Variants in MAPK10 observed in about 807,000 individuals in gnomAD.
MAPK10 encodes JNK3 alpha protein kinase.
MAPK10 carries 25 observed loss-of-function variants against 59.3 expected under a neutral mutation model. The ratio of observed to expected loss-of-function variants is 0.42; its 90% CI spans 0.31 to 0.59. The LOEUF is 0.59. Among genes scored for constraint, MAPK10 ranks in the 20% least tolerant of loss-of-function variants. MAPK10 has a pLI of 0.15. For missense variants in MAPK10, 351 were observed against 568.9 expected, an observed-to-expected ratio of 0.62 and a Z score of 3.90; for synonymous variants, 190 against 200.5, an observed-to-expected ratio of 0.95 and a Z score of 0.44.
intron 11 of MAPK10, among the ~76,000 whole-genome samples, chr4:86,037,755 G>A (rs960525455): frequency 6.6e-6 from 1 of 152,162 alleles, no homozygotes; most frequent in African/African-American, 2.4e-5. Flanking sequence ...TATAGAAACT[G>A]AGAAAGCATA....
chr4:86,590,657 G>C (rs1305628504), intron 1 of MAPK10, among the ~76,000 whole-genome samples: 1 of 151,988 alleles, frequency 6.6e-6, no homozygotes, highest in Non-Finnish European at 1.5e-5. Flanking sequence ...ATGGTGGTGT[G>C]CACCTGTAGT....
chr4:86,225,824 G>A (rs907706512), intron 2 of MAPK10, among the ~76,000 whole-genome samples: 2 of 152,086 alleles, frequency 1.3e-5, no homozygotes, highest in South Asian at 2.1e-4. Flanking sequence ...ACTGACACAA[G>A]CTTTGATATT....
At chr4:86,516,156 T>C (rs998294758) in intron 1 of MAPK10, among the ~76,000 whole-genome samples, 2 of 141,824 alleles carry the variant, frequency 1.4e-5, no homozygotes, top group Admixed American at 1.5e-4. Context: ...GCCCATTTTA[T>C]GTTTTTGTTT....
At chr4:86,265,232 G>A (rs1398681993) in intron 2 of MAPK10, among the ~76,000 whole-genome samples, 1 of 151,978 alleles carries the variant, frequency 6.6e-6, no homozygotes, top group Admixed American at 6.6e-5. Context: ...ATTATGATAT[G>A]GGCCGGACAC....
At position 86,011,581 on chromosome 4, in the gene MAPK10, T is replaced by C. The variant is rs575958477; in HGVS notation, c.*5647A>G. The C allele has an allele frequency of 6.8e-4, 104 of 152,326 alleles. No individual in the cohort carries two copies. The highest frequency in any genetic ancestry group is 2.4e-3 in the African/African-American group (100 of 41,580). The allele number at this position is 152,326 out of a possible 1,614,324, so 9.4% of individuals were successfully genotyped here. A position where few individuals can be genotyped will look rare whatever the true frequency, so the allele number is the denominator to read the frequency against. On this transcript the variant is annotated 3_prime_UTR_variant, in exon 14 of 14. Coordinates refer to ENST00000641462, the MANE Select transcript of MAPK10 (RefSeq NM_138982.4). The stretch of plus-strand genomic sequence containing the variant: ...GTATCAGGAATGCACCAATAACTCC[T>C]TCTGACTCTTTAAGAGCAATCATCT...
chr4:86,082,893 A>T (rs2050948272), intron 9 of MAPK10, among the ~76,000 whole-genome samples: 1 of 152,128 alleles, frequency 6.6e-6, no homozygotes. Flanking sequence ...CTGCACTTTC[A>T]TTGGCAGTGC....
At chr4:86,179,500 C>T (rs1296165827) in intron 3 of MAPK10, among the ~76,000 whole-genome samples, 2 of 151,708 alleles carry the variant, frequency 1.3e-5, no homozygotes, top group Non-Finnish European at 2.9e-5. Context: ...AAAAAAAATC[C>T]AAAAATTTGT....
chr4:86,519,613 C>T (rs1009327270), intron 1 of MAPK10, among the ~76,000 whole-genome samples: 8 of 151,926 alleles, frequency 5.3e-5, no homozygotes, highest in Non-Finnish European at 1.0e-4. Context: ...TTTAGGCCAT[C>T]GTTAGTATTG....
At chr4:86,531,811 C>G (rs1757872020) in intron 1 of MAPK10, among the ~76,000 whole-genome samples, 6 of 152,076 alleles carry the variant, frequency 3.9e-5, no homozygotes, top group Admixed American at 3.9e-4. Flanking sequence ...CAGGAAGCCT[C>G]AGCCAAAGAT....
At chr4:86,070,294 G>C (rs922825191) in intron 9 of MAPK10, among the ~76,000 whole-genome samples, 1 of 151,202 alleles carries the variant, frequency 6.6e-6, no homozygotes, top group Admixed American at 6.6e-5. Context: ...GATGTTCATA[G>C]AATACAAACA....
chr4:86,077,894 A>G (rs2049838808), intron 9 of MAPK10, among the ~76,000 whole-genome samples: 1 of 152,232 alleles, frequency 6.6e-6, no homozygotes. Context: ...TTAGCTTCGT[A>G]GGAAAGAATT....
At chr4:86,264,068 C>T (rs892182237) in intron 2 of MAPK10, among the ~76,000 whole-genome samples, 4 of 152,018 alleles carry the variant, frequency 2.6e-5, no homozygotes, top group South Asian at 2.1e-4. Context: ...CTAGTTACTG[C>T]GAATATAAAG....
At chr4:86,589,935 G>C (rs530640647) in intron 1 of MAPK10, among the ~76,000 whole-genome samples, 1 of 149,258 alleles carries the variant, frequency 6.7e-6, no homozygotes, top group African/African-American at 2.5e-5. Context: ...AGTGAGCCGA[G>C]ATCGCGCCAC....
At chr4:86,546,744 T>A (rs1759210257) in intron 1 of MAPK10, among the ~76,000 whole-genome samples, 2 of 152,026 alleles carry the variant, frequency 1.3e-5, no homozygotes, top group African/African-American at 4.8e-5. Flanking sequence ...AAATCCCAGA[T>A]GTAAACTCTC....
At chr4:86,578,981 G>A (rs1245739617) in intron 1 of MAPK10, among the ~76,000 whole-genome samples, 4 of 152,104 alleles carry the variant, frequency 2.6e-5, no homozygotes, top group Admixed American at 2.0e-4. Context: ...GTGAAATAAG[G>A]ATGACACTTT....
chr4:86,398,073 T>C (rs937199942), intron 1 of MAPK10, among the ~76,000 whole-genome samples: 5 of 151,710 alleles, frequency 3.3e-5, no homozygotes, highest in African/African-American at 7.3e-5. Context: ...TCTGGGGAGA[T>C]AGAGGGTGAG....
chr4:86,245,841 A>G (rs1432882226), intron 2 of MAPK10, among the ~76,000 whole-genome samples: 2 of 152,228 alleles, frequency 1.3e-5, no homozygotes, highest in African/African-American at 2.4e-5. Context: ...CTGATATGCA[A>G]AATGAAAGGG....
intron 2 of MAPK10, chr4:86,300,987 G>A (rs2095462236): frequency 1.3e-5 from 2 of 151,980 alleles, no homozygotes; most frequent in Non-Finnish European, 2.9e-5. Context: ...GATTCTGAAG[G>A]GTTTTGAGCA....
At chr4:86,521,209 T>G (rs1757082751) in intron 1 of MAPK10, among the ~76,000 whole-genome samples, 1 of 152,168 alleles carries the variant, frequency 6.6e-6, no homozygotes, top group South Asian at 2.1e-4. Flanking sequence ...TGTTCTGACT[T>G]GCTGTAATGT....
Sources: gnomAD v4.1 joint callset for allele counts (sites outside exome capture counted in the v4.1 genomes callset) on GRCh38, gnomAD v4.1.1 for gene constraint, MANE v1.5 for transcripts, NCBI Gene and HGNC (gene_info 2026-07-23, HGNC 2026-07-21) for gene names.